WDR41: variants seen among roughly 807,000 people sequenced by gnomAD.
The protein encoded by WDR41 is WD repeat-containing protein 41.
In WDR41, 63 loss-of-function variants were observed where a neutral mutation model predicts 69.3. The observed-to-expected ratio is 0.91, with a 90% CI of 0.74 to 1.12. The LOEUF (loss-of-function observed/expected upper bound fraction) is 1.12, where lower values mean the gene tolerates loss of function less well. WDR41 is among the 50% of genes most tolerant of loss of function. The pLI is 0.00. For synonymous variants in WDR41, 185 were observed against 192.1 expected, an observed-to-expected ratio of 0.96 and a Z score of 0.31; for missense variants, 543 against 534.5, an observed-to-expected ratio of 1.02 and a Z score of -0.16.
chr5:77,619,220 A>G (rs1169449023), intron 1 of WDR41, among the ~76,000 whole-genome samples: 3 of 152,216 alleles, frequency 2.0e-5, no homozygotes, highest in Non-Finnish European at 2.9e-5. Context: ...TCTGGTACCT[A>G]AAGTCAAAGT....
chr5:77,585,355 AC>A (rs576994070), intron 1 of WDR41, among the ~76,000 whole-genome samples: 104 of 152,316 alleles, frequency 6.8e-4, no homozygotes, highest in Non-Finnish European at 9.9e-4. Context: ...TGAACAGGGA[AC>A]ACTTCTACAC....
At chr5:77,449,974 A>G (rs1383637200) in intron 7 of WDR41, 104 bp from the exon 8 acceptor site, 2 of 753,220 alleles carry the variant, frequency 2.7e-6, no homozygotes, top group East Asian at 2.7e-5. Context: ...AATACCTACC[A>G]TACTGAAAAA....
At chr5:77,492,642 A>T (rs142859563), upstream of WDR41, 340 of 182,202 alleles carry the variant, frequency 1.9e-3, no homozygotes, top group Admixed American at 3.4e-3. Context: ...TCCCTGTGAC[A>T]TGGCTTTAGT....
At position 77,492,212 on chromosome 5, in the gene WDR41, T is replaced by C. The variant is rs1171168427; in HGVS notation, c.9A>G (p.Arg3=). Residue 3 remains arginine, a synonymous_variant, in exon 1 of 13, where the codon CGA becomes CGG. Transcript: ENST00000296679. The part of the protein sequence containing the change: ML[R]WLIGGGREPQ... ...GTTCTCGGCCTCCCCCGATCAGCCA[T>C]CGCAACATCCGGGCAGCGGCGGCGT... 6 of 1,612,384 alleles carry C rather than the reference T, an allele frequency of 3.7e-6. No individual in the cohort carries two copies. The African/African-American group carries it at 8.0e-5, about 22-fold the overall frequency.
intron 1 of WDR41, among the ~76,000 whole-genome samples, chr5:77,609,036 G>A (rs559837095): frequency 2.5e-4 from 38 of 152,248 alleles, no homozygotes; most frequent in South Asian, 2.1e-3. Context: ...CTATGCCCAC[G>A]GAGTCTCGCT....
intron 9 of WDR41, among the ~76,000 whole-genome samples, chr5:77,439,219 C>T (rs1799064768): frequency 6.6e-6 from 1 of 152,188 alleles, no homozygotes; most frequent in South Asian, 2.1e-4. Flanking sequence ...TGAGGCAGAC[C>T]TTTCAAATAT....
intron 1 of WDR41, among the ~76,000 whole-genome samples, chr5:77,595,812 G>A (rs4590168): frequency 0.02 from 3,102 of 151,942 alleles, 56 homozygotes; most frequent in African/African-American, 0.05. Context: ...TCTTTCATCC[G>A]TGGCGTCCTC....
chr5:77,506,879 G>C (rs1443589339), intron 1 of WDR41, among the ~76,000 whole-genome samples: 1 of 151,856 alleles, frequency 6.6e-6, no homozygotes, highest in Non-Finnish European at 1.5e-5. Context: ...ACACACTGGG[G>C]CCTGTAGGGG....
chr5:77,467,376 T>G (rs545619897), intron 2 of WDR41, among the ~76,000 whole-genome samples: 4 of 152,136 alleles, frequency 2.6e-5, no homozygotes, highest in African/African-American at 7.2e-5. Flanking sequence ...TGAAGACACC[T>G]TACATGTGGT....
chr5:77,493,222 T>C (rs1372495054), upstream of WDR41, among the ~76,000 whole-genome samples: 3 of 152,210 alleles, frequency 2.0e-5, no homozygotes, highest in African/African-American at 7.2e-5. Context: ...TGAAAATCAC[T>C]GGTCTAGGAA....
At chr5:77,472,497 G>C (rs1426692715) in intron 2 of WDR41, among the ~76,000 whole-genome samples, 1 of 151,704 alleles carries the variant, frequency 6.6e-6, no homozygotes, top group Non-Finnish European at 1.5e-5. Flanking sequence ...CCTGTTTGCA[G>C]ATGACATGAT....
chr5:77,527,572 C>G (rs189911196), intron 1 of WDR41, among the ~76,000 whole-genome samples: 1 of 151,876 alleles, frequency 6.6e-6, no homozygotes, highest in South Asian at 2.1e-4. Flanking sequence ...ACAGACTATA[C>G]AATTTAAACA....
intron 2 of WDR41, among the ~76,000 whole-genome samples, chr5:77,466,647 C>T (rs978302170): frequency 5.3e-5 from 8 of 151,760 alleles, no homozygotes; most frequent in African/African-American, 1.7e-4. Context: ...AGCATTTAAC[C>T]TCAAACTTTA....
chr5:77,433,491 A>G (rs1798808752), intron 12 of WDR41, among the ~76,000 whole-genome samples: 1 of 152,234 alleles, frequency 6.6e-6, no homozygotes, highest in Admixed American at 6.5e-5. Context: ...ATATTGTTCA[A>G]CTACAGAATA....
In WDR41 at chr5:77,440,879, T is replaced by C. The variant is rs145690512; in HGVS notation, c.816A>G (p.Gln272=). Reference sequence around the variant, plus strand: ...ATTTTTGACAGAGTTTTATTTCTTGTTGGGTGTCCAGTTGTGGAGATGGGT... The same window carrying C: ...ATTTTTGACAGAGTTTTATTTCTTGCTGGGTGTCCAGTTGTGGAGATGGGT... ...FWDPSPQLDT[Q]QEIKLCQKSN... is the part of the protein sequence containing the mutation. The change falls in exon 9 of 13, where the codon CAA becomes CAG. Residue 272 remains glutamine, a synonymous_variant. Transcript: ENST00000296679. 3.7e-6 allele frequency: 6 copies of C among 1,614,114 alleles called. No homozygotes were observed. Among genetic ancestry groups the C allele is most frequent in the East Asian group, 2.2e-5 (1 of 44,894 alleles).
intron 1 of WDR41, among the ~76,000 whole-genome samples, chr5:77,576,054 T>C (rs1355048203): frequency 2.6e-5 from 4 of 152,094 alleles, no homozygotes; most frequent in African/African-American, 9.7e-5. Context: ...ATTTAATAGT[T>C]CTCTCCTGGA....
chr5:77,587,129 C>A (rs1275342597), intron 1 of WDR41, among the ~76,000 whole-genome samples: 2 of 150,086 alleles, frequency 1.3e-5, no homozygotes, highest in African/African-American at 2.5e-5. Context: ...AGTGATTGCT[C>A]CCCCAAACGT....
At chr5:77,534,573 A>G (rs1179678392) in intron 1 of WDR41, among the ~76,000 whole-genome samples, 1 of 152,026 alleles carries the variant, frequency 6.6e-6, no homozygotes, top group Non-Finnish European at 1.5e-5. Flanking sequence ...AGCTGGGATT[A>G]CAGGCATGCA....
intron 2 of WDR41, among the ~76,000 whole-genome samples, chr5:77,482,642 C>T (rs999028321): frequency 1.3e-5 from 2 of 152,044 alleles, no homozygotes; most frequent in East Asian, 3.8e-4. Context: ...ACCCCAAAGG[C>T]AGATTGTATA....
Sources: gnomAD v4.1 joint callset for allele counts (sites outside exome capture counted in the v4.1 genomes callset) on GRCh38, gnomAD v4.1.1 for gene constraint, MANE v1.5 for transcripts, NCBI Gene and HGNC (gene_info 2026-07-23, HGNC 2026-07-21) for gene names.